IHH: variants seen among roughly 807,000 people sequenced by gnomAD.
IHH encodes the protein Indian hedgehog signaling molecule, also known as indian hedgehog protein.
Under a neutral mutation model 29.4 loss-of-function variants are expected in IHH, and 9 were observed. The ratio of observed to expected loss-of-function variants is 0.31; its 90% CI spans 0.18 to 0.53. IHH has a LOEUF of 0.53. Among genes scored for constraint, IHH ranks in the 20% least tolerant of loss-of-function variants. The pLI is 0.95. For synonymous variants in IHH, 254 were observed against 252.7 expected (o/e 1.01, Z -0.05); for missense variants, 454 against 578.1 (o/e 0.79, Z 2.20).
At position 219,058,522 on chromosome 2, in the gene IHH, C is replaced by T. The variant is rs181917973; in HGVS notation, c.316-828G>A. Among the ~76,000 whole-genome samples the T allele has an allele frequency of 2.8e-3, 431 of 152,298 alleles. 3 individuals carry two copies. Among genetic ancestry groups the T allele is most frequent in the Non-Finnish European group, 4.7e-3 (321 of 68,022 alleles). On this transcript the variant is annotated intron_variant, in intron 1 of 2. Coordinates refer to ENST00000295731, the MANE Select transcript of IHH (RefSeq NM_002181.4). ...CCCGCCCCTATACCGTAGGAAGGAA[C>T]TCCATAAACCAAGCTTCTGATCTCA...
At chr2:219,057,817 C>T in intron 1 of IHH, 123 bp from the exon 2 acceptor site, 3 of 1,336,800 alleles carry the variant, frequency 2.2e-6, no homozygotes, top group East Asian at 2.4e-5. Context: ...GCTGGAAGCC[C>T]GGGAGGGTGC....
rs912231032 is a variant in IHH at position 219,055,414 on chromosome 2, C to T, written c.1029G>A (p.Val343=). 3.1e-6 allele frequency: 5 copies of T among 1,613,182 alleles called. No individual in the cohort carries two copies. Among genetic ancestry groups the T allele is most frequent in the African/African-American group, 1.3e-5 (1 of 74,948 alleles). ...TKHGTLVVED[V]VASCFAAVAD... ...CCACGGCCGCGAAGCAGGATGCCACCACATCCTCCACCACCAGTGTCCCAT... is the reference window on the plus strand; with the variant it reads ...CCACGGCCGCGAAGCAGGATGCCACTACATCCTCCACCACCAGTGTCCCAT... Residue 343 remains valine (V), a synonymous_variant, in exon 3 of 3, where the codon GTG becomes GTA. Transcript: ENST00000295731.
At position 219,060,878 on chromosome 2, in the gene IHH, G is replaced by A. The variant is rs1003227424; in HGVS notation, c.-411C>T. Among the ~76,000 whole-genome samples the A allele has an allele frequency of 6.7e-6, 1 of 150,332 alleles. No homozygotes were observed. The highest frequency in any genetic ancestry group is 2.4e-5 in the African/African-American group (1 of 41,330). On this transcript the variant is annotated 5_prime_UTR_variant, in exon 1 of 3. Coordinates refer to ENST00000295731, the MANE Select transcript of IHH (RefSeq NM_002181.4). This position sits in a 1 kb window ranked among gnomAD's most constrained non-coding sequence, Gnocchi z 8.8. ...GGCCCGGCGGTCAGGCGGCTCGGGC[G>A]GAGCGGGAGCTGCTGCCGTCTGCGG...
At position 219,055,112 on chromosome 2, in the gene IHH, C is replaced by G. The variant is rs916420319; in HGVS notation, c.*95G>C. 12 of 1,336,404 alleles carry G rather than the reference C, an allele frequency of 9.0e-6. No homozygotes were observed. The highest frequency in any genetic ancestry group is 1.2e-5 in the Non-Finnish European group (12 of 960,378). 82.8% of individuals were successfully genotyped at this position (1,336,404 alleles called of 1,614,324 possible). On this transcript the variant is annotated 3_prime_UTR_variant, in exon 3 of 3. Transcript: ENST00000295731. ...AGAGGAGATGGCAGGAGCCAGTGTCCCCCAGCTCAGGTCCCTTCCAGGGCC... is the reference window on the plus strand; with the variant it reads ...AGAGGAGATGGCAGGAGCCAGTGTCGCCCAGCTCAGGTCCCTTCCAGGGCC...
chr2:219,057,439 T>C lies in IHH; in HGVS notation c.571A>G (p.Lys191Glu), dbSNP rs1948841271. ...CCCCCCGGCGGCGGCTCACCGGACTTGACGGAGCAATGCACGTGGGCCTTT... is the reference window on the plus strand; with the variant it reads ...CCCCCCGGCGGCGGCTCACCGGACTCGACGGAGCAATGCACGTGGGCCTTT... ...ESKAHVHCSV[K>E]SEHSAAAKTG... The change falls in exon 2 of 3, where the codon AAG (lysine) becomes GAG (glutamate). Residue 191 changes from lysine (K) to glutamate (E), a missense_variant. Lys to Glu is a moderately conservative substitution (Grantham distance 56). Around this residue, in one of 3 missense-constraint regions of IHH, gnomAD observed 271 missense variants for 315.9 expected, o/e 0.86. Transcript: ENST00000295731. 1 of 1,571,986 alleles carries C rather than the reference T, an allele frequency of 6.4e-7. No individual in the cohort carries two copies. Among genetic ancestry groups the C allele is most frequent in the African/African-American group, 1.4e-5 (1 of 73,660 alleles).
Position 219,055,053 on chromosome 2 carries a change from G to T in IHH, c.*154C>A. 1.3e-6 allele frequency: 1 copy of T among 789,696 alleles called. No homozygotes were observed. Among genetic ancestry groups the T allele is most frequent in the Non-Finnish European group, 2.0e-6 (1 of 492,168 alleles). The allele number at this position is 789,696 out of a possible 1,614,324, so 48.9% of individuals were successfully genotyped here. On this transcript the variant is annotated 3_prime_UTR_variant, in exon 3 of 3. Coordinates refer to ENST00000295731, the MANE Select transcript of IHH (RefSeq NM_002181.4). Reference sequence around the variant, plus strand: ...GACGGGGGTGGGGGACGCTGGTGTTGCCCAGTCAAGTCTCAATGGTGTATC... The same window carrying T: ...GACGGGGGTGGGGGACGCTGGTGTTTCCCAGTCAAGTCTCAATGGTGTATC...
Position 219,060,441 on chromosome 2 carries a change from T to C in IHH, c.27A>G (p.Arg9=), listed in dbSNP as rs763763980. 3.8e-6 allele frequency: 6 copies of C among 1,566,850 alleles called. No individual in the cohort carries two copies. The highest frequency in any genetic ancestry group is 5.2e-6 in the Non-Finnish European group (6 of 1,160,522). ...GCAACAGGACCAGGCAGAAGTGCAG[T>C]CGGGGCCGGAGCCGGGCGGGAGACA... MSPARLRP[R]LHFCLVLLLL... Residue 9 remains arginine, a synonymous_variant, in exon 1 of 3, where the codon CGA becomes CGG. Coordinates refer to ENST00000295731, the MANE Select transcript of IHH (RefSeq NM_002181.4). This position sits in a 1 kb window ranked among gnomAD's most constrained non-coding sequence, Gnocchi z 8.8.
Position 219,060,594 on chromosome 2 carries a change from T to C in IHH, c.-127A>G, listed in dbSNP as rs1948873391. On this transcript the variant is annotated 5_prime_UTR_variant, in exon 1 of 3. It removes an upstream start codon present in the reference 5' UTR. Coordinates refer to ENST00000295731, the MANE Select transcript of IHH (RefSeq NM_002181.4). The surrounding 1 kb of genome is among the most constrained non-coding windows in gnomAD (Gnocchi z 8.8). ...CGGGGGGCTCCAGGCGGGGGCGCCA[T>C]GGGCGGCGTGGTGCGGCCAGGGCCG... 1.9e-6 allele frequency: 1 copy of C among 530,182 alleles called. No homozygotes were observed. The highest frequency in any genetic ancestry group is 2.9e-6 in the Non-Finnish European group (1 of 344,866). The allele number at this position is 530,182 out of a possible 1,614,324, so 32.8% of individuals were successfully genotyped here. A position where few individuals can be genotyped will look rare whatever the true frequency, so the allele number is the denominator to read the frequency against.
chr2:219,060,704 C>G lies in IHH; in HGVS notation c.-237G>C, dbSNP rs1271598684. The stretch of plus-strand genomic sequence containing the variant: ...CCTCGGCGCCTCGACTCTGAGCTGC[C>G]GGGCTCGCCGGCCGCCAATAAATAG... On this transcript the variant is annotated 5_prime_UTR_variant, in exon 1 of 3. Coordinates refer to ENST00000295731, the MANE Select transcript of IHH (RefSeq NM_002181.4). This position sits in a 1 kb window ranked among gnomAD's most constrained non-coding sequence, Gnocchi z 8.8. 6.7e-6 allele frequency among the ~76,000 whole-genome samples: 1 copy of G among 149,832 alleles called. No individual in the cohort carries two copies. Among genetic ancestry groups the G allele is most frequent in the East Asian group, 2.0e-4 (1 of 5,114 alleles).
Position 219,055,848 on chromosome 2 carries a change from T to C in IHH, c.595A>G (p.Lys199Glu). 6.2e-7 allele frequency: 1 copy of C among 1,609,136 alleles called. No homozygotes were observed. Among genetic ancestry groups the C allele is most frequent in the Non-Finnish European group, 8.5e-7 (1 of 1,179,830 alleles). ...SVKSEHSAAA[K>E]TGGCFPAGAQ... ...CCGGCAGGGAAGCAGCCGCCCGTCT[T>C]GGCTGCGGCCGAGTGCTCTGTGGGA... Residue 199 changes from lysine to glutamate, a missense_variant, in exon 3 of 3, where the codon AAG becomes GAG. Physicochemically the swap from Lys to Glu is moderately conservative, Grantham distance 56. Coordinates refer to ENST00000295731, the MANE Select transcript of IHH (RefSeq NM_002181.4).
rs1040389914 is a variant in IHH at position 219,055,108 on chromosome 2, T to G, written c.*99A>C. On this transcript the variant is annotated 3_prime_UTR_variant, in exon 3 of 3. Coordinates refer to ENST00000295731, the MANE Select transcript of IHH (RefSeq NM_002181.4). ...TGGCAGAGGAGATGGCAGGAGCCAG[T>G]GTCCCCCAGCTCAGGTCCCTTCCAG... 11 of 1,260,718 alleles carry G rather than the reference T, an allele frequency of 8.7e-6. No individual in the cohort carries two copies. Among genetic ancestry groups the G allele is most frequent in the African/African-American group, 1.5e-5 (1 of 66,932 alleles). 78.1% of individuals were successfully genotyped at this position (1,260,718 alleles called of 1,614,324 possible).
At position 219,060,530 on chromosome 2, in the gene IHH, G is replaced by A. The variant is rs1400960561; in HGVS notation, c.-63C>T. 3.2e-5 allele frequency: 39 copies of A among 1,226,912 alleles called. No homozygotes were observed. Among genetic ancestry groups the A allele is most frequent in the Admixed American group, 2.3e-4 (6 of 25,704 alleles). 76.0% of individuals were successfully genotyped at this position (1,226,912 alleles called of 1,614,324 possible). ...TGGTGGGCTGATGGGCAGGCGCGTC[G>A]ACGGGAGCGCTGCGGGGGCTCAGGC... On this transcript the variant is annotated 5_prime_UTR_variant, in exon 1 of 3. Coordinates refer to ENST00000295731, the MANE Select transcript of IHH (RefSeq NM_002181.4). The surrounding 1 kb of genome is among the most constrained non-coding windows in gnomAD (Gnocchi z 8.8).
At chr2:219,055,958 C>G in intron 2 of IHH, 93 bp from the exon 3 acceptor site, 4 of 1,351,390 alleles carry the variant, frequency 3.0e-6, no homozygotes, top group Non-Finnish European at 4.1e-6. Flanking sequence ...CCAGCCAGAG[C>G]TCCTCTTGCT....
At position 219,054,780 on chromosome 2, in the gene IHH, G is replaced by A; in HGVS notation, c.*427C>T. On this transcript the variant is annotated 3_prime_UTR_variant, in exon 3 of 3. Transcript: ENST00000295731. ...CCTGTGGCCTTCCCAGTTCTGGACA[G>A]CATCGGGTCCAGCCAGATCCATGCT... 1 of 212,002 alleles carries A rather than the reference G, an allele frequency of 4.7e-6. No individual in the cohort carries two copies. Among genetic ancestry groups the A allele is most frequent in the South Asian group, 8.0e-5 (1 of 12,490 alleles). 13.1% of individuals were successfully genotyped at this position (212,002 alleles called of 1,614,324 possible). A position where few individuals can be genotyped will look rare whatever the true frequency, so the allele number is the denominator to read the frequency against.
At position 219,060,213 on chromosome 2, in the gene IHH, G is replaced by A; in HGVS notation, c.255C>T (p.Tyr85=). 1 of 1,613,528 alleles carries A rather than the reference G, an allele frequency of 6.2e-7. No individual in the cohort carries two copies. Among genetic ancestry groups the A allele is most frequent in the Non-Finnish European group, 8.5e-7 (1 of 1,179,848 alleles). The part of the protein sequence containing the change: ...SERFKELTPN[Y]NPDIIFKDEE... Reference sequence around the variant, plus strand: ...CGTCCTTGAAGATGATGTCTGGATTGTAATTGGGGGTGAGCTCCTTGAAGC... The same window carrying A: ...CGTCCTTGAAGATGATGTCTGGATTATAATTGGGGGTGAGCTCCTTGAAGC... The change falls in exon 1 of 3, where the codon TAC becomes TAT. Residue 85 remains tyrosine (Y), a synonymous_variant. Coordinates refer to ENST00000295731, the MANE Select transcript of IHH (RefSeq NM_002181.4). This position sits in a 1 kb window ranked among gnomAD's most constrained non-coding sequence, Gnocchi z 8.8.
In IHH at chr2:219,055,983, G is replaced by A. The variant is rs561637957; in HGVS notation, c.578-118C>T. 244 of 1,095,264 alleles carry A rather than the reference G, an allele frequency of 2.2e-4. 2 individuals are homozygous for A. The East Asian group carries it at 5.0e-3, about 22-fold the overall frequency. 67.8% of individuals were successfully genotyped at this position (1,095,264 alleles called of 1,614,324 possible). On this transcript the variant is annotated intron_variant, in intron 2 of 2. Transcript: ENST00000295731. Reference sequence around the variant, plus strand: ...CTCCTCTTGCTCCCAGAGAGCCCCCGTCACCATATCCCAGCTCCTGCCCCC... The same window carrying A: ...CTCCTCTTGCTCCCAGAGAGCCCCCATCACCATATCCCAGCTCCTGCCCCC...
chr2:219,058,188 G>A (rs1574687897), intron 1 of IHH, among the ~76,000 whole-genome samples: 1 of 152,202 alleles, frequency 6.6e-6, no homozygotes, highest in African/African-American at 2.4e-5. Context: ...GCAGCCTCAG[G>A]GCTGAGGCCT....
chr2:219,060,494 G>A lies in IHH; in HGVS notation c.-27C>T. 2 of 1,433,570 alleles carry A rather than the reference G, an allele frequency of 1.4e-6. No individual in the cohort carries two copies. The highest frequency in any genetic ancestry group is 1.5e-5 in the South Asian group (1 of 67,894). The allele number at this position is 1,433,570 out of a possible 1,614,324, so 88.8% of individuals were successfully genotyped here. On this transcript the variant is annotated 5_prime_UTR_variant, in exon 1 of 3. Coordinates refer to ENST00000295731, the MANE Select transcript of IHH (RefSeq NM_002181.4). This position sits in a 1 kb window ranked among gnomAD's most constrained non-coding sequence, Gnocchi z 8.8. The stretch of plus-strand genomic sequence containing the variant: ...GCCGGGGAGCCCGGGGGAGCGGCGG[G>A]CGAGGTCTCCTGGTGGGCTGATGGG...
rs557665086 is a variant in IHH, at chr2:219,057,315, C to T, written c.577+118G>A. 63 of 1,210,632 alleles carry T rather than the reference C, an allele frequency of 5.2e-5. No individual in the cohort carries two copies. In the African/African-American group the frequency reaches 5.7e-4, roughly 11 times the overall value. 75.0% of individuals were successfully genotyped at this position (1,210,632 alleles called of 1,614,324 possible). ...AGCCTTGGAGAGCGCCGCTGATGTC[C>T]TCTTCCCCCGGATCCCTGCCTCCAT... is the stretch of plus-strand genomic sequence containing the variant. On this transcript the variant is annotated intron_variant, in intron 2 of 2. Transcript: ENST00000295731.
Sources: allele counts gnomAD v4.1 joint callset (sites outside exome capture counted in the v4.1 genomes callset), GRCh38; gene constraint gnomAD v4.1.1; regional missense constraint gnomAD v4.1.1; non-coding constraint Gnocchi (gnomAD v3.1); transcripts MANE v1.5; gene names NCBI Gene and HGNC (gene_info 2026-07-23, HGNC 2026-07-21).